The following EIPR1 variants were observed in gnomAD, a reference collection of about 807,000 sequenced individuals.
EIPR1 encodes the protein EARP and GARP complex-interacting protein 1.
EIPR1 carries 25 observed loss-of-function variants against 48.1 expected under a neutral mutation model. The observed-to-expected ratio is 0.52, with a 90% CI of 0.38 to 0.73. The LOEUF (loss-of-function observed/expected upper bound fraction) is 0.73, where lower values mean the gene tolerates loss of function less well. Ranked by LOEUF, EIPR1 falls within the 30% of genes least tolerant of loss-of-function variation. The pLI, the probability that EIPR1 is intolerant of heterozygous loss-of-function variation, is 0.00. For missense variants in EIPR1, 415 were observed against 506.2 expected, an observed-to-expected ratio of 0.82 and a Z score of 1.73; for synonymous variants, 204 against 201.9, an observed-to-expected ratio of 1.01 and a Z score of -0.09.
intron 2 of EIPR1, among the ~76,000 whole-genome samples, chr2:3,345,477 T>C (rs1224600027): frequency 2.0e-5 from 3 of 151,424 alleles, no homozygotes; most frequent in Non-Finnish European, 4.4e-5. Flanking sequence ...ATATAAAAAT[T>C]AGCCGGGCAT....
chr2:3,369,995 G>A (rs1671073774), intron 1 of EIPR1, among the ~76,000 whole-genome samples: 1 of 152,092 alleles, frequency 6.6e-6, no homozygotes, highest in Non-Finnish European at 1.5e-5. Flanking sequence ...CCCCCCGTAG[G>A]GGCAGACTGA....
chr2:3,349,598 C>T (rs909367712), intron 2 of EIPR1, among the ~76,000 whole-genome samples: 7 of 151,646 alleles, frequency 4.6e-5, no homozygotes, highest in East Asian at 1.9e-4. Context: ...TGCCAGGAGA[C>T]GGGGACAGGG....
intron 3 of EIPR1, among the ~76,000 whole-genome samples, chr2:3,263,695 G>A (rs1485745840): frequency 3.3e-5 from 5 of 151,836 alleles, no homozygotes; most frequent in East Asian, 1.9e-4. Context: ...GACGCGGCAC[G>A]GTGCGGCCAG....
At chr2:3,288,041 C>T (rs1361155352) in intron 3 of EIPR1, among the ~76,000 whole-genome samples, 1 of 152,202 alleles carries the variant, frequency 6.6e-6, no homozygotes, top group Non-Finnish European at 1.5e-5. Context: ...CCCCGTGGCC[C>T]GAGTCTGCTG....
chr2:3,248,449 C>A (rs1007992208), intron 4 of EIPR1, among the ~76,000 whole-genome samples: 1 of 152,190 alleles, frequency 6.6e-6, no homozygotes, highest in African/African-American at 2.4e-5. Flanking sequence ...CAAAAATTAG[C>A]CAGGCGTGGT....
At chr2:3,287,700 AT>A (rs1201054134) in intron 3 of EIPR1, among the ~76,000 whole-genome samples, 1 of 130,340 alleles carries the variant, frequency 7.7e-6, no homozygotes, top group Non-Finnish European at 1.7e-5. Flanking sequence ...CAGAAAGCTC[AT>A]TCACCACGCT....
In EIPR1 at chr2:3,275,305, C is replaced by T. The variant is rs111879214; in HGVS notation, c.260-17850G>A. ...AAAAGCAGTAAGGGTCACCACTGAACAATACAAAGGTTCAGAAACACAAAA... is the reference window on the plus strand; with the variant it reads ...AAAAGCAGTAAGGGTCACCACTGAATAATACAAAGGTTCAGAAACACAAAA... On this transcript the variant is annotated intron_variant, in intron 3 of 8. Coordinates refer to ENST00000382125, the MANE Select transcript of EIPR1 (RefSeq NM_003310.5). Among the ~76,000 whole-genome samples, 117 of 150,012 alleles carry T rather than the reference C, an allele frequency of 7.8e-4. 1 individual carries two copies. Among genetic ancestry groups the T allele is most frequent in the African/African-American group, 3.0e-3 (117 of 39,418 alleles).
chr2:3,377,805 A>AC lies in EIPR1; in HGVS notation c.-117_-116insG. On this transcript the variant is annotated 5_prime_UTR_variant, in exon 1 of 9. Coordinates refer to ENST00000382125, the MANE Select transcript of EIPR1 (RefSeq NM_003310.5). ...GCCCATTCATTCCCTCCCCGCAGCA[A>AC]ACGACTCCAAACTGGAAGTCTTTCT... 1.2e-5 allele frequency: 12 copies of AC among 1,028,164 alleles called. No homozygotes were observed. Among genetic ancestry groups the AC allele is most frequent in the East Asian group, 5.9e-5 (2 of 33,984 alleles). The allele number at this position is 1,028,164 out of a possible 1,614,324, so 63.7% of individuals were successfully genotyped here. A position where few individuals can be genotyped will look rare whatever the true frequency, so the allele number is the denominator to read the frequency against.
At chr2:3,200,667 G>C (rs944801688) in intron 5 of EIPR1, among the ~76,000 whole-genome samples, 6 of 151,968 alleles carry the variant, frequency 3.9e-5, no homozygotes, top group Admixed American at 3.3e-4. Flanking sequence ...GGCAGGGAGG[G>C]GGGCAGGGGC....
intron 3 of EIPR1, among the ~76,000 whole-genome samples, chr2:3,306,903 C>T (rs921855155): frequency 2.0e-5 from 3 of 152,146 alleles, no homozygotes; most frequent in South Asian, 2.1e-4. Flanking sequence ...ACTCCTTTTC[C>T]TATATTTGCT....
Position 3,377,798 on chromosome 2 carries a change from C to A in EIPR1, c.-109G>T, listed in dbSNP as rs1156872644. On this transcript the variant is annotated 5_prime_UTR_variant, in exon 1 of 9. Coordinates refer to ENST00000382125, the MANE Select transcript of EIPR1 (RefSeq NM_003310.5). The stretch of plus-strand genomic sequence containing the variant: ...TCCCAGCGCCCATTCATTCCCTCCC[C>A]GCAGCAAACGACTCCAAACTGGAAG... 8.5e-6 allele frequency: 11 copies of A among 1,300,168 alleles called. No individual in the cohort carries two copies. The East Asian group carries it at 1.0e-4, about 12-fold the overall frequency. 80.5% of individuals were successfully genotyped at this position (1,300,168 alleles called of 1,614,324 possible).
chr2:3,287,179 C>CCACCACACTCCAGAAAGTTCGTT, intron 3 of EIPR1, among the ~76,000 whole-genome samples: 1 of 152,036 alleles, frequency 6.6e-6, no homozygotes, highest in Non-Finnish European at 1.5e-5. Flanking sequence ...CAAAGCTCGT[C>CCACCACACTCCAGAAAGTTCGTT]CACCACACTC....
At chr2:3,283,331 G>T (rs541350540) in intron 3 of EIPR1, among the ~76,000 whole-genome samples, 2 of 152,292 alleles carry the variant, frequency 1.3e-5, no homozygotes, top group African/African-American at 4.8e-5. Context: ...GTAACACTGC[G>T]CCAACAAACA....
intron 3 of EIPR1, among the ~76,000 whole-genome samples, chr2:3,336,622 G>C (rs1012398682): frequency 8.5e-5 from 13 of 152,088 alleles, no homozygotes; most frequent in African/African-American, 2.7e-4. Flanking sequence ...ATAAAAATTA[G>C]CAGGGCATGG....
intron 3 of EIPR1, among the ~76,000 whole-genome samples, chr2:3,257,833 T>TGTC (rs1667209592): frequency 6.6e-6 from 1 of 152,252 alleles, no homozygotes; most frequent in South Asian, 2.1e-4. Flanking sequence ...AAGGTTGGCA[T>TGTC]TAAACGGGTT....
chr2:3,281,451 A>G lies in EIPR1; in HGVS notation c.260-23996T>C, dbSNP rs118064799. On this transcript the variant is annotated intron_variant, in intron 3 of 8. Transcript: ENST00000382125. ...GGGAATACTTACATCTGTTTCATGA[A>G]AAGGTAAAGCAAAGCAAAACGATGG... is the stretch of plus-strand genomic sequence containing the variant. Among the ~76,000 whole-genome samples the G allele has an allele frequency of 2.3e-4, 35 of 152,262 alleles. No individual in the cohort carries two copies. In the East Asian group the frequency reaches 3.9e-3, roughly 17 times the overall value.
chr2:3,206,186 C>T, intron 5 of EIPR1, among the ~76,000 whole-genome samples: 1 of 152,202 alleles, frequency 6.6e-6, no homozygotes, highest in Admixed American at 6.5e-5. Context: ...GCGGGACACC[C>T]AGGCTCTTGT....
At chr2:3,297,978 C>T (rs1025848271) in intron 3 of EIPR1, among the ~76,000 whole-genome samples, 1 of 152,192 alleles carries the variant, frequency 6.6e-6, no homozygotes, top group Non-Finnish European at 1.5e-5. Context: ...TTTGCTCATT[C>T]ACTACATTCA....
intron 4 of EIPR1, among the ~76,000 whole-genome samples, chr2:3,230,061 G>C (rs945295549): frequency 2.6e-5 from 4 of 152,046 alleles, no homozygotes; most frequent in African/African-American, 9.7e-5. Flanking sequence ...CCATTTGTTT[G>C]CATCTTCTTC....
Sources: gnomAD v4.1 joint callset for allele counts (sites outside exome capture counted in the v4.1 genomes callset) on GRCh38, gnomAD v4.1.1 for gene constraint, MANE v1.5 for transcripts, NCBI Gene and HGNC (gene_info 2026-07-23, HGNC 2026-07-21) for gene names.